ANKRD44: variants seen among roughly 807,000 people sequenced by gnomAD.
ANKRD44 encodes serine/threonine-protein phosphatase 6 regulatory ankyrin repeat subunit B.
In ANKRD44, 35 loss-of-function variants were observed where a neutral mutation model predicts 116.0. That is an observed-to-expected ratio of 0.30 (90% CI 0.23 to 0.40). The LOEUF is 0.40. ANKRD44 is among the 10% of genes least tolerant of loss of function. ANKRD44 has a pLI of 1.00. For synonymous variants in ANKRD44, 435 were observed against 461.8 expected (o/e 0.94, Z 0.74); for missense variants, 1,014 against 1,242.6 (o/e 0.82, Z 2.77).
chr2:197,144,326 G>T (rs1361351914), intron 3 of ANKRD44, among the ~76,000 whole-genome samples: 1 of 152,208 alleles, frequency 6.6e-6, no homozygotes, highest in Admixed American at 6.5e-5. Flanking sequence ...CGAATTATTT[G>T]TCCAACATGG....
intron 21 of ANKRD44, among the ~76,000 whole-genome samples, chr2:196,970,994 C>T (rs1039830281): frequency 3.3e-5 from 5 of 152,278 alleles, no homozygotes; most frequent in Admixed American, 2.0e-4. Flanking sequence ...TAAGCCACCA[C>T]GACTGGCCAA....
In ANKRD44 at chr2:197,032,174, C is replaced by T. The variant is rs1225281613; in HGVS notation, c.1651-6907G>A. Among the ~76,000 whole-genome samples the T allele has an allele frequency of 2.6e-5, 4 of 152,202 alleles. No individual in the cohort carries two copies. The East Asian group carries it at 7.7e-4, about 29-fold the overall frequency. Reference sequence around the variant, plus strand: ...TAAACCAGGTCATTATCAGAAGAGACATGATCATGATCAGATTCTTGAGTT... The same window carrying T: ...TAAACCAGGTCATTATCAGAAGAGATATGATCATGATCAGATTCTTGAGTT... On this transcript the variant is annotated intron_variant, in intron 16 of 27. Coordinates refer to ENST00000282272, the MANE Select transcript of ANKRD44 (RefSeq NM_001195144.2).
chr2:197,101,471 G>A (rs1484699023), intron 9 of ANKRD44, among the ~76,000 whole-genome samples: 1 of 152,170 alleles, frequency 6.6e-6, no homozygotes, highest in African/African-American at 2.4e-5. Flanking sequence ...CCAACTTTCA[G>A]TTTGGGAAAA....
intron 27 of ANKRD44, 75 bp downstream of exon 27, chr2:196,993,508 T>A (rs1222753934): frequency 7.4e-6 from 9 of 1,224,278 alleles, no homozygotes; most frequent in Non-Finnish European, 9.4e-6. Flanking sequence ...TACTAGCTCC[T>A]ATCTTTCTCA....
intron 25 of ANKRD44, 114 bp from the exon 26 acceptor site, chr2:196,995,575 C>A: frequency 1.4e-6 from 1 of 715,416 alleles, no homozygotes. Context: ...TAAGAACATT[C>A]TATAGGGCTA....
chr2:196,992,239 T>C (rs1348107617), intron 27 of ANKRD44, among the ~76,000 whole-genome samples: 1 of 152,234 alleles, frequency 6.6e-6, no homozygotes, highest in East Asian at 1.9e-4. Flanking sequence ...TGTTGTTTTG[T>C]TTATCATCAC....
chr2:197,078,969 T>TTTTGTG (rs143671073), intron 15 of ANKRD44, among the ~76,000 whole-genome samples, 155 bp from the exon 16 acceptor site: 6 of 147,114 alleles, frequency 4.1e-5, no homozygotes, highest in Admixed American at 6.8e-5. Flanking sequence ...GTGTTGAAAA[T>TTTTGTG]TGTGTGTGTG....
At chr2:197,242,590 A>G (rs774909962) in intron 1 of ANKRD44, among the ~76,000 whole-genome samples, 11 of 152,130 alleles carry the variant, frequency 7.2e-5, no homozygotes, top group Non-Finnish European at 1.2e-4. Flanking sequence ...GGTTCACCTT[A>G]AAAAAAGGGC....
chr2:197,078,332 C>G, intron 16 of ANKRD44: 1 of 311,798 alleles, frequency 3.2e-6, no homozygotes, highest in Non-Finnish European at 6.3e-6. Flanking sequence ...CACACGCATA[C>G]ACATTTTGTG....
chr2:197,114,957 C>T (rs1181090922), intron 8 of ANKRD44, among the ~76,000 whole-genome samples: 1 of 152,178 alleles, frequency 6.6e-6, no homozygotes, highest in African/African-American at 2.4e-5. Flanking sequence ...CTTACTTCTC[C>T]AACGTTCTAA....
At chr2:197,033,230 C>A (rs574421109) in intron 16 of ANKRD44, among the ~76,000 whole-genome samples, 90 of 151,940 alleles carry the variant, frequency 5.9e-4, no homozygotes, top group Non-Finnish European at 6.6e-4. Context: ...AAAGAGTCTG[C>A]AGAGAGGATT....
At chr2:196,986,661 A>G, downstream of ANKRD44, 1 of 962,780 alleles carries the variant, frequency 1.0e-6, no homozygotes, top group African/African-American at 1.8e-5. Context: ...TAAAACACAA[A>G]TTCCAACAAT....
chr2:197,041,411 GTC>G (rs145608413), intron 16 of ANKRD44, among the ~76,000 whole-genome samples: 2 of 151,176 alleles, frequency 1.3e-5, no homozygotes, highest in Non-Finnish European at 1.5e-5. Flanking sequence ...CTGGGCATCT[GTC>G]TCTCTCTCTC....
chr2:197,138,881 C>A (rs2079286336), intron 3 of ANKRD44, among the ~76,000 whole-genome samples: 1 of 151,868 alleles, frequency 6.6e-6, no homozygotes, highest in African/African-American at 2.4e-5. Context: ...TTTGTAAATT[C>A]AAAAAATGAA....
At chr2:196,975,880 C>T (rs186138762) in intron 21 of ANKRD44, among the ~76,000 whole-genome samples, 121 of 150,056 alleles carry the variant, frequency 8.1e-4, no homozygotes, top group African/African-American at 2.8e-3. Flanking sequence ...AAGAAAGACA[C>T]ATCAAGAAAA....
intron 3 of ANKRD44, 63 bp from the exon 4 acceptor site, chr2:197,136,725 A>G (rs2079226959): frequency 7.2e-7 from 1 of 1,388,316 alleles, no homozygotes; most frequent in Non-Finnish European, 1.0e-6. Flanking sequence ...CCGACGTTAA[A>G]TCAAATGCTG....
chr2:197,002,426 G>T (rs888321258), intron 21 of ANKRD44, among the ~76,000 whole-genome samples: 1 of 152,188 alleles, frequency 6.6e-6, no homozygotes, highest in Non-Finnish European at 1.5e-5. Context: ...AAAATGGTAG[G>T]TAGTTTCCAA....
chr2:197,297,859 C>T (rs912956893), intron 1 of ANKRD44, among the ~76,000 whole-genome samples: 11 of 152,296 alleles, frequency 7.2e-5, no homozygotes, highest in East Asian at 1.9e-4. Flanking sequence ...CTAAACATTG[C>T]ACTCATCTCA....
chr2:197,008,104 C>T (rs1288823478), intron 19 of ANKRD44, among the ~76,000 whole-genome samples, 181 bp from the exon 20 acceptor site: 1 of 152,174 alleles, frequency 6.6e-6, no homozygotes, highest in Non-Finnish European at 1.5e-5. Context: ...TGCCTCTGCT[C>T]TAATGGCCAC....
Sources: gnomAD v4.1 joint callset for allele counts (sites outside exome capture counted in the v4.1 genomes callset) on GRCh38, gnomAD v4.1.1 for gene constraint, MANE v1.5 for transcripts, NCBI Gene and HGNC (gene_info 2026-07-23, HGNC 2026-07-21) for gene names.